Variants in AKAP6 observed in about 807,000 individuals in gnomAD.
AKAP6 encodes the protein A-kinase anchor protein 6.
A neutral mutation model predicts 188.5 loss-of-function variants in AKAP6; 58 were observed. That is an observed-to-expected ratio of 0.31 (90% CI 0.25 to 0.38). The LOEUF (loss-of-function observed/expected upper bound fraction) is 0.38, where lower values mean the gene tolerates loss of function less well. Among genes scored for constraint, AKAP6 ranks in the 10% least tolerant of loss-of-function variants. AKAP6 has a pLI of 1.00. For missense variants in AKAP6, 2,710 were observed against 2,740.0 expected (o/e 0.99, Z 0.24); for synonymous variants, 989 against 998.6 (o/e 0.99, Z 0.18).
chr14:32,664,903 C>T (rs185271603), intron 7 of AKAP6, among the ~76,000 whole-genome samples: 1 of 152,190 alleles, frequency 6.6e-6, no homozygotes, highest in African/African-American at 2.4e-5. Flanking sequence ...CTCTACTCAC[C>T]CCTGCTGTGC....
chr14:32,591,909 G>C (rs1286127981), intron 5 of AKAP6, among the ~76,000 whole-genome samples: 1 of 152,132 alleles, frequency 6.6e-6, no homozygotes, highest in Admixed American at 6.6e-5. Flanking sequence ...CATGATGAGA[G>C]GGCAAAGTTA....
chr14:32,486,916 C>T (rs190809596), intron 2 of AKAP6, among the ~76,000 whole-genome samples: 16 of 152,310 alleles, frequency 1.1e-4, no homozygotes, highest in African/African-American at 2.4e-4. Flanking sequence ...GGAATGCTTC[C>T]AGCTTTTGCC....
chr14:32,602,354 G>T (rs1005148638), intron 7 of AKAP6, among the ~76,000 whole-genome samples: 5 of 152,058 alleles, frequency 3.3e-5, no homozygotes, highest in East Asian at 1.9e-4. Flanking sequence ...GATGAGCCAG[G>T]CATGGTGGCA....
At chr14:32,444,200 G>A (rs1890682967) in intron 2 of AKAP6, among the ~76,000 whole-genome samples, 1 of 152,148 alleles carries the variant, frequency 6.6e-6, no homozygotes, top group Non-Finnish European at 1.5e-5. Flanking sequence ...CTGGAAAGGG[G>A]AGAGATGTGA....
intron 2 of AKAP6, among the ~76,000 whole-genome samples, chr14:32,531,494 A>G (rs566008571): frequency 6.6e-6 from 1 of 152,306 alleles, no homozygotes; most frequent in South Asian, 2.1e-4. Context: ...TTTTCCTGTA[A>G]TTAGTTTAAA....
chr14:32,344,789 C>A lies in AKAP6; in HGVS notation c.-35+15381C>A, dbSNP rs1271361415. Reference sequence around the variant, plus strand: ...AAATTAGCTGGGTGTGGTGGCATACCCCTGTAATCCCAGCTACTCAGGAGG... The same window carrying A: ...AAATTAGCTGGGTGTGGTGGCATACACCTGTAATCCCAGCTACTCAGGAGG... On this transcript the variant is annotated intron_variant, in intron 1 of 13. Transcript: ENST00000280979. 2.0e-5 allele frequency among the ~76,000 whole-genome samples: 3 copies of A among 151,722 alleles called. No individual in the cohort carries two copies. The East Asian group carries it at 5.8e-4, about 29-fold the overall frequency.
At chr14:32,597,637 C>T (rs973584359) in intron 5 of AKAP6, among the ~76,000 whole-genome samples, 6 of 152,144 alleles carry the variant, frequency 3.9e-5, no homozygotes, top group African/African-American at 1.4e-4. Flanking sequence ...ATACCTGTGG[C>T]TAAAAGAGGA....
intron 2 of AKAP6, among the ~76,000 whole-genome samples, chr14:32,527,130 C>T (rs1386759391): frequency 6.6e-6 from 1 of 152,204 alleles, no homozygotes; most frequent in African/African-American, 2.4e-5. Context: ...CTCCTTGCCC[C>T]AAACGGTCTG....
intron 2 of AKAP6, among the ~76,000 whole-genome samples, chr14:32,503,666 T>G (rs528428975): frequency 2.0e-5 from 3 of 152,210 alleles, no homozygotes; most frequent in Non-Finnish European, 4.4e-5. Flanking sequence ...AGATGCCCCC[T>G]TTATCACATG....
intron 4 of AKAP6, among the ~76,000 whole-genome samples, chr14:32,551,127 A>G (rs1228003100): frequency 4.6e-5 from 7 of 152,074 alleles, no homozygotes; most frequent in Admixed American, 4.6e-4. Flanking sequence ...CCTAGAACAT[A>G]CTTGGCATGC....
chr14:32,580,554 T>A (rs1360840404), intron 5 of AKAP6, among the ~76,000 whole-genome samples: 3 of 152,190 alleles, frequency 2.0e-5, no homozygotes, highest in African/African-American at 7.2e-5. Context: ...CTCTTCATTT[T>A]ATTTTATTAT....
chr14:32,494,256 C>G (rs1373834421), intron 2 of AKAP6: 1 of 152,088 alleles, frequency 6.6e-6, no homozygotes, highest in Non-Finnish European at 1.5e-5. Context: ...TCCTGGAGTT[C>G]TGACTTTTGT....
chr14:32,678,589 T>A, intron 8 of AKAP6, 130 bp downstream of exon 8: 2 of 1,004,162 alleles, frequency 2.0e-6, no homozygotes, highest in Non-Finnish European at 2.9e-6. Context: ...GACTAGGCAT[T>A]AATGTTCTTT....
chr14:32,594,459 A>C (rs1400965709), intron 5 of AKAP6, among the ~76,000 whole-genome samples: 1 of 152,140 alleles, frequency 6.6e-6, no homozygotes, highest in African/African-American at 2.4e-5. Context: ...AGTTTTCAGG[A>C]GGTTCTTAAA....
Position 32,491,651 on chromosome 14 carries a change from A to C in AKAP6, c.325-43903A>C, listed in dbSNP as rs143466982. Among the ~76,000 whole-genome samples the C allele has an allele frequency of 3.7e-3, 570 of 152,288 alleles. 5 individuals carry two copies. Among genetic ancestry groups the C allele is most frequent in the African/African-American group, 0.013 (541 of 41,566 alleles). ...TCTCTGGACCTTGATTTCCTCCTTT[A>C]CAAGAAGAGGAAATTGAACCAGAAT... is the stretch of plus-strand genomic sequence containing the variant. On this transcript the variant is annotated intron_variant, in intron 2 of 13. Transcript: ENST00000280979.
intron 8 of AKAP6, among the ~76,000 whole-genome samples, chr14:32,688,168 C>T (rs576657154): frequency 6.6e-6 from 1 of 151,408 alleles, no homozygotes; most frequent in East Asian, 1.9e-4. Context: ...ACACCACACA[C>T]ACACGTCTTT....
intron 12 of AKAP6, among the ~76,000 whole-genome samples, chr14:32,804,153 A>G (rs184417774): frequency 2.6e-5 from 4 of 152,302 alleles, no homozygotes; most frequent in African/African-American, 9.6e-5. Flanking sequence ...TATTCTTCCT[A>G]TTCTTATCAG....
chr14:32,634,970 T>C (rs1420159198), intron 7 of AKAP6, among the ~76,000 whole-genome samples: 1 of 151,934 alleles, frequency 6.6e-6, no homozygotes, highest in Non-Finnish European at 1.5e-5. Flanking sequence ...TAGCGGCGCT[T>C]TCTGAGATTT....
At position 32,727,452 on chromosome 14, in the gene AKAP6, T is replaced by G. The variant is rs1437488159; in HGVS notation, c.3001-5002T>G. Among the ~76,000 whole-genome samples, 3 of 152,224 alleles carry G rather than the reference T, an allele frequency of 2.0e-5. No individual in the cohort carries two copies. The East Asian group carries it at 5.8e-4, about 29-fold the overall frequency. ...AATTAAATTATTAATGGCAGATACT[T>G]TAAAAAAGATTGTTTTATGATCTTC... On this transcript the variant is annotated intron_variant, in intron 9 of 13. Transcript: ENST00000280979.
Sources: allele counts gnomAD v4.1 joint callset (sites outside exome capture counted in the v4.1 genomes callset), GRCh38; gene constraint gnomAD v4.1.1; transcripts MANE v1.5; gene names NCBI Gene and HGNC (gene_info 2026-07-23, HGNC 2026-07-21).